Variants in PLCB1 observed in about 807,000 individuals in gnomAD.
PLCB1 encodes phospholipase C beta 1.
A neutral mutation model predicts 161.8 loss-of-function variants in PLCB1; 46 were observed. The ratio of observed to expected loss-of-function variants is 0.28; its 90% CI spans 0.22 to 0.36. PLCB1 has a LOEUF of 0.36. Ranked by LOEUF, PLCB1 falls within the 10% of genes least tolerant of loss-of-function variation. The probability of loss-of-function intolerance (pLI) is 1.00; values close to 1 mark genes in which losing one functional copy is unlikely to be tolerated. For synonymous variants in PLCB1, 517 were observed against 503.7 expected (o/e 1.03, Z -0.35); for missense variants, 1,016 against 1,472.5 (o/e 0.69, Z 5.07).
intron 10 of PLCB1, among the ~76,000 whole-genome samples, chr20:8,692,770 G>A (rs1342321767): frequency 6.6e-6 from 1 of 152,116 alleles, no homozygotes; most frequent in Non-Finnish European, 1.5e-5. Context: ...GATCCACAAA[G>A]GACATGGCGA....
intron 2 of PLCB1, among the ~76,000 whole-genome samples, chr20:8,288,683 G>A (rs777666015): frequency 5.3e-5 from 8 of 152,118 alleles, no homozygotes; most frequent in Non-Finnish European, 1.0e-4. Context: ...AGAGGTGCCA[G>A]CTGTTAGCAG....
chr20:8,726,975 GA>G (rs1297663571), intron 16 of PLCB1, among the ~76,000 whole-genome samples: 8 of 151,988 alleles, frequency 5.3e-5, no homozygotes, highest in African/African-American at 1.9e-4. Context: ...GGTGAATTTA[GA>G]ACAAAAGATT....
intron 2 of PLCB1, among the ~76,000 whole-genome samples, chr20:8,281,809 T>C (rs1025964607): frequency 1.3e-5 from 2 of 152,162 alleles, no homozygotes; most frequent in African/African-American, 4.8e-5. Context: ...AGACAAAACA[T>C]ACCTACTACA....
chr20:8,710,238 G>A (rs556075950), intron 12 of PLCB1, among the ~76,000 whole-genome samples: 1 of 152,080 alleles, frequency 6.6e-6, no homozygotes, highest in Non-Finnish European at 1.5e-5. Flanking sequence ...ATGGCAGGAG[G>A]AGAACTAAGA....
In PLCB1 at chr20:8,831,978, CT is replaced by C. The variant is rs766859660; in HGVS notation, c.3423+41720del. ...TCTTTCTTTCTTTCTTTCTTTCTTT[CT>C]TTCCTTCTTTCTTTCTGTGCTTCTT... is the stretch of plus-strand genomic sequence containing the variant. On this transcript the variant is annotated intron_variant, in intron 31 of 31. Transcript: ENST00000338037. Among the ~76,000 whole-genome samples the C allele has an allele frequency of 9.0e-4, 77 of 85,316 alleles. 11 individuals are homozygous for C. Among genetic ancestry groups the C allele is most frequent in the African/African-American group, 2.0e-3 (47 of 23,840 alleles). The allele number at this position is 85,316 out of a possible 152,430, so 56.0% of individuals were successfully genotyped here.
chr20:8,219,123 C>T (rs1979281809), intron 2 of PLCB1, among the ~76,000 whole-genome samples: 1 of 152,180 alleles, frequency 6.6e-6, no homozygotes, highest in African/African-American at 2.4e-5. Context: ...ATGTGTGACA[C>T]TCATTGTGGT....
At chr20:8,755,812 G>A (rs1354736453) in intron 23 of PLCB1, among the ~76,000 whole-genome samples, 1 of 152,200 alleles carries the variant, frequency 6.6e-6, no homozygotes. Flanking sequence ...GGAAGACAAA[G>A]GTTTGTAAAG....
chr20:8,701,863 G>A (rs1342870856), intron 11 of PLCB1, among the ~76,000 whole-genome samples: 1 of 152,168 alleles, frequency 6.6e-6, no homozygotes, highest in Non-Finnish European at 1.5e-5. Flanking sequence ...ATAATATGTT[G>A]GTAGAGGCAG....
At chr20:8,270,552 T>C (rs1982230239) in intron 2 of PLCB1, among the ~76,000 whole-genome samples, 1 of 152,136 alleles carries the variant, frequency 6.6e-6, no homozygotes, top group African/African-American at 2.4e-5. Flanking sequence ...CTTCAGTTAA[T>C]GAGGAGAAAC....
chr20:8,295,058 A>C (rs1204890166), intron 2 of PLCB1, among the ~76,000 whole-genome samples: 2 of 152,194 alleles, frequency 1.3e-5, no homozygotes, highest in Non-Finnish European at 2.9e-5. Flanking sequence ...CAAAGCAAAC[A>C]TAACTTTAAA....
intron 3 of PLCB1, among the ~76,000 whole-genome samples, chr20:8,407,442 G>A (rs1978833276): frequency 6.6e-6 from 1 of 152,214 alleles, no homozygotes; most frequent in African/African-American, 2.4e-5. Flanking sequence ...TGGACTTACA[G>A]TTCTACATGG....
intron 3 of PLCB1, among the ~76,000 whole-genome samples, chr20:8,495,021 T>A (rs1983102579): frequency 6.6e-6 from 1 of 152,044 alleles, no homozygotes; most frequent in Admixed American, 6.5e-5. Context: ...GAGACTCCTT[T>A]CTTCCAACTC....
chr20:8,681,247 T>C (rs1479721451), intron 9 of PLCB1, among the ~76,000 whole-genome samples: 2 of 151,742 alleles, frequency 1.3e-5, no homozygotes, highest in African/African-American at 4.8e-5. Flanking sequence ...TATAATATCT[T>C]CATTTGAGTA....
At chr20:8,536,680 G>A (rs1253185423) in intron 3 of PLCB1, among the ~76,000 whole-genome samples, 9 of 152,090 alleles carry the variant, frequency 5.9e-5, no homozygotes, top group Admixed American at 5.2e-4. Context: ...TTCCTACATG[G>A]CCACTTGGTA....
chr20:8,515,135 A>G (rs1210980675), intron 3 of PLCB1, among the ~76,000 whole-genome samples: 1 of 152,256 alleles, frequency 6.6e-6, no homozygotes, highest in Non-Finnish European at 1.5e-5. Context: ...GTATTGCTGT[A>G]TGGAAAGTGT....
At chr20:8,299,325 T>C (rs1347284237) in intron 2 of PLCB1, among the ~76,000 whole-genome samples, 2 of 152,158 alleles carry the variant, frequency 1.3e-5, no homozygotes, top group East Asian at 3.9e-4. Context: ...TCTTTCTTTG[T>C]GTTTTTGATG....
chr20:8,689,790 T>G (rs6039236), intron 10 of PLCB1, among the ~76,000 whole-genome samples: 146,327 of 150,436 alleles, frequency 0.97, 71,193 homozygotes, highest in East Asian at 1. Flanking sequence ...GTATAACTTG[T>G]TAAACACAGA....
intron 11 of PLCB1, among the ~76,000 whole-genome samples, chr20:8,704,937 T>C (rs968440028): frequency 2.1e-4 from 30 of 145,370 alleles, no homozygotes; most frequent in Non-Finnish European, 7.5e-5. Context: ...AAGACCAATG[T>C]CCCAGCTCAA....
At chr20:8,165,715 T>TTAC (rs2051668382) in intron 2 of PLCB1, among the ~76,000 whole-genome samples, 2 of 152,242 alleles carry the variant, frequency 1.3e-5, no homozygotes, top group African/African-American at 4.8e-5. Flanking sequence ...AGGTTACAGG[T>TTAC]TACTAAATGG....
Sources: gnomAD v4.1 joint callset for allele counts (sites outside exome capture counted in the v4.1 genomes callset) on GRCh38, gnomAD v4.1.1 for gene constraint, MANE v1.5 for transcripts, NCBI Gene and HGNC (gene_info 2026-07-23, HGNC 2026-07-21) for gene names.